The following SLC37A3 variants were observed in gnomAD, a reference collection of about 807,000 sequenced individuals.
SLC37A3 encodes solute carrier family 37 member 3.
Under a neutral mutation model 67.1 loss-of-function variants are expected in SLC37A3, and 51 were observed. The observed-to-expected ratio is 0.76, with a 90% CI of 0.61 to 0.96. The LOEUF (loss-of-function observed/expected upper bound fraction) is 0.96. Among genes scored for constraint, SLC37A3 ranks in the 40% least tolerant of loss-of-function variants. The pLI, the probability that SLC37A3 is intolerant of heterozygous loss-of-function variation, is 0.00. For missense variants in SLC37A3, 508 were observed against 603.0 expected, an observed-to-expected ratio of 0.84 and a Z score of 1.65; for synonymous variants, 214 against 231.4, an observed-to-expected ratio of 0.92 and a Z score of 0.68.
At chr7:140,376,940 A>ATTTTT (rs34892110) in intron 3 of SLC37A3, among the ~76,000 whole-genome samples, 1 of 110,528 alleles carries the variant, frequency 9.0e-6, no homozygotes, top group Admixed American at 1.0e-4. Flanking sequence ...CACCCAGCTA[A>ATTTTT]TTTTTTTTTT....
intron 4 of SLC37A3, among the ~76,000 whole-genome samples, chr7:140,367,435 C>G (rs1343568873): frequency 1.3e-5 from 2 of 151,922 alleles, no homozygotes; most frequent in African/African-American, 4.8e-5. Flanking sequence ...GACTCCGTCT[C>G]AAAAAATAAT....
At chr7:140,341,232 C>G (rs1796350553) in intron 13 of SLC37A3, among the ~76,000 whole-genome samples, 1 of 152,142 alleles carries the variant, frequency 6.6e-6, no homozygotes, top group Admixed American at 6.5e-5. Flanking sequence ...CACACCTAGC[C>G]TCATGTACAA....
intron 3 of SLC37A3, 190 bp downstream of exon 3, chr7:140,380,092 G>A (rs775994387): frequency 4.6e-5 from 17 of 367,710 alleles, no homozygotes; most frequent in Admixed American, 2.3e-4. Flanking sequence ...AAACAAGCCG[G>A]CTGGAGAGGT....
At chr7:140,359,013 A>G (rs1332394123) in intron 5 of SLC37A3, among the ~76,000 whole-genome samples, 3 of 152,144 alleles carry the variant, frequency 2.0e-5, no homozygotes, top group African/African-American at 7.2e-5. Context: ...AAAGACATAA[A>G]GTCATTAAGC....
At chr7:140,350,712 C>T (rs1038922302) in intron 9 of SLC37A3, among the ~76,000 whole-genome samples, 1 of 151,940 alleles carries the variant, frequency 6.6e-6, no homozygotes, top group Non-Finnish European at 1.5e-5. Context: ...TGCAGTGAGC[C>T]GAGACTGCGC....
intron 1 of SLC37A3, among the ~76,000 whole-genome samples, chr7:140,392,784 T>C (rs944688553): frequency 6.6e-6 from 1 of 152,154 alleles, no homozygotes; most frequent in South Asian, 2.1e-4. Flanking sequence ...TGGTATTATA[T>C]GCCTAAGGTA....
chr7:140,373,626 A>C (rs1203185578), intron 3 of SLC37A3, among the ~76,000 whole-genome samples: 1 of 152,132 alleles, frequency 6.6e-6, no homozygotes, highest in Non-Finnish European at 1.5e-5. Flanking sequence ...TCTAACTTCA[A>C]ACCTGTGAAA....
At chr7:140,375,514 C>CA (rs148035746) in intron 3 of SLC37A3, among the ~76,000 whole-genome samples, 5,434 of 151,686 alleles carry the variant, frequency 0.036, 136 homozygotes, top group South Asian at 0.077. Flanking sequence ...ATATTAAAGA[C>CA]AAAAATCACA....
Position 140,335,147 on chromosome 7 carries a change from A to G in SLC37A3, c.*265T>C. The G allele has an allele frequency of 1.5e-6, 2 of 1,370,828 alleles. No individual in the cohort carries two copies. Among genetic ancestry groups the G allele is most frequent in the Non-Finnish European group, 2.0e-6 (2 of 1,002,894 alleles). 84.9% of individuals were successfully genotyped at this position (1,370,828 alleles called of 1,614,324 possible). A position where few individuals can be genotyped will look rare whatever the true frequency, so the allele number is the denominator to read the frequency against. On this transcript the variant is annotated 3_prime_UTR_variant, in exon 15 of 15. Transcript: ENST00000326232. ...GCCAAACAAAGACGCGGGCAGAGTCAGAGGTCAAAGATGCTGGCAGAGTCA... is the reference window on the plus strand; with the variant it reads ...GCCAAACAAAGACGCGGGCAGAGTCGGAGGTCAAAGATGCTGGCAGAGTCA...
intron 3 of SLC37A3, chr7:140,370,317 G>T (rs1371813157): frequency 6.6e-6 from 1 of 152,190 alleles, no homozygotes; most frequent in East Asian, 1.9e-4. Flanking sequence ...TAGTGACGAA[G>T]TCTTAAGTGA....
chr7:140,360,853 A>T (rs7792038), intron 5 of SLC37A3, among the ~76,000 whole-genome samples: 56,336 of 151,774 alleles, frequency 0.37, 11,654 homozygotes, highest in Non-Finnish European at 0.46. Flanking sequence ...TAATATGCCC[A>T]TCTCCCTCTG....
intron 13 of SLC37A3, among the ~76,000 whole-genome samples, chr7:140,338,138 C>G (rs369456616): frequency 6.6e-6 from 1 of 152,150 alleles, no homozygotes. Context: ...GATCCGTCCA[C>G]CTCGGCCTCC....
Position 140,335,258 on chromosome 7 carries a change from G to A in SLC37A3, c.*154C>T. 2.5e-6 allele frequency: 4 copies of A among 1,614,070 alleles called. No individual in the cohort carries two copies. Among genetic ancestry groups the A allele is most frequent in the Non-Finnish European group, 3.4e-6 (4 of 1,179,978 alleles). On this transcript the variant is annotated 3_prime_UTR_variant, in exon 15 of 15. Transcript: ENST00000326232. ...GTAGAAAACTAGTGCAGCCTTCACTGCTGGTCAGCATCTCAGGTGGCTGGC... is the reference window on the plus strand; with the variant it reads ...GTAGAAAACTAGTGCAGCCTTCACTACTGGTCAGCATCTCAGGTGGCTGGC...
chr7:140,348,548 G>A (rs977837988), intron 10 of SLC37A3, 78 bp downstream of exon 10: 1 of 1,432,592 alleles, frequency 7.0e-7, no homozygotes, highest in Non-Finnish European at 9.2e-7. Flanking sequence ...AACTTTAAAT[G>A]AGGCCAGATT....
At chr7:140,397,126 G>A (rs1369018105) in intron 1 of SLC37A3, among the ~76,000 whole-genome samples, 2 of 147,722 alleles carry the variant, frequency 1.4e-5, no homozygotes, top group South Asian at 4.3e-4. Context: ...CTTGAACCCG[G>A]GAGGCGGAGG....
At chr7:140,377,879 T>A (rs1053634919) in intron 3 of SLC37A3, among the ~76,000 whole-genome samples, 14 of 151,952 alleles carry the variant, frequency 9.2e-5, no homozygotes, top group Admixed American at 3.3e-4. Flanking sequence ...AAAAATAATT[T>A]AAAAAAAATT....
At position 140,335,412 on chromosome 7, in the gene SLC37A3, T is replaced by G. The variant is rs1020736194; in HGVS notation, c.1485A>C (p.Ter495CysextTer33). ...GTTCTTTCTGTCTCGCGGGCACCGG[T>G]CACTCCCTCAATATGTGAGCCTGTC... is the stretch of plus-strand genomic sequence containing the variant. ...LRRQAHILRE[*>C] Residue 495 changes from the stop codon to cysteine, a stop_lost, in exon 15 of 15, where the codon TGA becomes TGC. Transcript: ENST00000326232. 7.4e-6 allele frequency: 12 copies of G among 1,614,070 alleles called. No individual in the cohort carries two copies. The highest frequency in any genetic ancestry group is 1.0e-5 in the Non-Finnish European group (12 of 1,180,046).
At chr7:140,379,293 G>T (rs913742864) in intron 3 of SLC37A3, 2 of 151,902 alleles carry the variant, frequency 1.3e-5, no homozygotes, top group African/African-American at 4.8e-5. Context: ...CTAACATGGT[G>T]AAACCCCGTC....
chr7:140,350,522 T>C (rs939910830), intron 9 of SLC37A3, among the ~76,000 whole-genome samples: 1 of 151,956 alleles, frequency 6.6e-6, no homozygotes, highest in Non-Finnish European at 1.5e-5. Flanking sequence ...CCCAGCATTC[T>C]GGGAGGCCAA....
Sources: allele counts gnomAD v4.1 joint callset (sites outside exome capture counted in the v4.1 genomes callset), GRCh38; gene constraint gnomAD v4.1.1; transcripts MANE v1.5; gene names NCBI Gene and HGNC (gene_info 2026-07-23, HGNC 2026-07-21).